FMN2: variants seen among roughly 807,000 people sequenced by gnomAD.
FMN2 encodes formin-2.
In FMN2, 51 loss-of-function variants were observed where a neutral mutation model predicts 142.3. The ratio of observed to expected loss-of-function variants is 0.36; its 90% CI spans 0.29 to 0.45. The LOEUF (loss-of-function observed/expected upper bound fraction) is 0.45, where lower values mean the gene tolerates loss of function less well. Among genes scored for constraint, FMN2 ranks in the 20% least tolerant of loss-of-function variants. The pLI, the probability that FMN2 is intolerant of heterozygous loss-of-function variation, is 1.00. For missense variants in FMN2, 1,936 were observed against 2,122.8 expected (o/e 0.91, Z 1.73); for synonymous variants, 882 against 869.8 (o/e 1.01, Z -0.25).
At chr1:240,446,834 ACT>A (rs1675832897) in intron 16 of FMN2, among the ~76,000 whole-genome samples, 1 of 152,090 alleles carries the variant, frequency 6.6e-6, no homozygotes, top group South Asian at 2.1e-4. Context: ...CTCCGGGCTA[ACT>A]CTCACACCTT....
At position 240,336,583 on chromosome 1, in the gene FMN2, G is replaced by T. The variant is rs1416054114; in HGVS notation, c.4765+2354G>T. 3.6e-4 allele frequency among the ~76,000 whole-genome samples: 16 copies of T among 44,176 alleles called. No homozygotes were observed. The East Asian group carries it at 0.02, about 57-fold the overall frequency. 29.0% of individuals were successfully genotyped at this position (44,176 alleles called of 152,430 possible). On this transcript the variant is annotated intron_variant, in intron 13 of 17. Coordinates refer to ENST00000319653, the MANE Select transcript of FMN2 (RefSeq NM_020066.5). Reference sequence around the variant, plus strand: ...AAAAAAAAAAAAAAAAAAAAAAAAAGGTGGTTGCAATTGTTTTCCCATTTA... The same window carrying T: ...AAAAAAAAAAAAAAAAAAAAAAAAATGTGGTTGCAATTGTTTTCCCATTTA...
chr1:240,250,170 A>G (rs763365192), intron 6 of FMN2, among the ~76,000 whole-genome samples: 51 of 152,000 alleles, frequency 3.4e-4, no homozygotes, highest in Non-Finnish European at 4.7e-4. Context: ...TCTTGTTCCA[A>G]TTATTAGAGG....
At chr1:240,432,725 T>C (rs1482269885) in intron 15 of FMN2, among the ~76,000 whole-genome samples, 1 of 152,084 alleles carries the variant, frequency 6.6e-6, no homozygotes, top group Non-Finnish European at 1.5e-5. Flanking sequence ...TCATTTCTTT[T>C]AGGATTTCTT....
At chr1:240,460,603 G>A (rs1316757395) in intron 16 of FMN2, among the ~76,000 whole-genome samples, 1 of 151,804 alleles carries the variant, frequency 6.6e-6, no homozygotes, top group Non-Finnish European at 1.5e-5. Flanking sequence ...TCGAACGATT[G>A]TAAGTGAATA....
At chr1:240,143,504 C>T (rs907652121) in intron 2 of FMN2, 1 of 1,574,542 alleles carries the variant, frequency 6.4e-7, no homozygotes, top group African/African-American at 1.3e-5. Context: ...CCTTTGTCTT[C>T]CTCCTTCTCT....
chr1:240,263,136 C>G (rs1304682794), intron 7 of FMN2, among the ~76,000 whole-genome samples: 3 of 152,170 alleles, frequency 2.0e-5, no homozygotes, highest in South Asian at 2.1e-4. Flanking sequence ...AGACTGAACC[C>G]TCCCCCACAC....
rs769207435 is a variant in FMN2, at chr1:240,208,465, C to T, written c.3653C>T (p.Pro1218Leu). 4 of 1,609,698 alleles carry T rather than the reference C, an allele frequency of 2.5e-6. No homozygotes were observed. Among genetic ancestry groups the T allele is most frequent in the South Asian group, 1.1e-5 (1 of 90,546 alleles). Residue 1218 changes from proline (P) to leucine (L), a missense_variant, in exon 5 of 18, where the codon CCA (proline) becomes CTA (leucine). Around this residue, in one of 8 missense-constraint regions of FMN2, gnomAD observed 259 missense variants for 230.9 expected, o/e 1.12. Transcript: ENST00000319653. ...PPPPLPGMGI[P>L]PAPAPPLPPP... ...CCTCCCTTGCCAGGTATGGGGATTC[C>T]ACCTGCTCCAGCTCCCCCACTCCCT...
chr1:240,262,759 CTT>C (rs764626617), intron 7 of FMN2, among the ~76,000 whole-genome samples: 2 of 117,762 alleles, frequency 1.7e-5, no homozygotes, highest in Non-Finnish European at 1.7e-5. Context: ...AAAACTTTTA[CTT>C]TTTTTTTTTT....
At chr1:240,437,935 A>G in intron 15 of FMN2, 126 bp from the exon 16 acceptor site, 1 of 1,201,102 alleles carries the variant, frequency 8.3e-7, no homozygotes, top group South Asian at 1.5e-5. Flanking sequence ...TGGTGCTTGA[A>G]GAGCTTGAGT....
chr1:240,226,668 G>T (rs538164434), intron 6 of FMN2, among the ~76,000 whole-genome samples: 75 of 152,220 alleles, frequency 4.9e-4, no homozygotes, highest in African/African-American at 1.7e-3. Context: ...GTTTGTGGCT[G>T]CAGTGAGCTA....
At chr1:240,270,176 T>C (rs907049973) in intron 7 of FMN2, among the ~76,000 whole-genome samples, 2 of 152,130 alleles carry the variant, frequency 1.3e-5, no homozygotes, top group Non-Finnish European at 2.9e-5. Context: ...TTATCATATA[T>C]GGCCTTTATC....
chr1:240,438,019 T>A, intron 15 of FMN2, 42 bp from the exon 16 acceptor site: 1 of 1,588,284 alleles, frequency 6.3e-7, no homozygotes, highest in East Asian at 2.2e-5. Context: ...TATTGGAAAG[T>A]AATCATGGCT....
intron 7 of FMN2, chr1:240,285,318 A>G (rs1399025853): frequency 2.2e-6 from 1 of 455,172 alleles, no homozygotes; most frequent in East Asian, 7.0e-5. Context: ...AACACCAAGC[A>G]GATGGAGGCT....
intron 14 of FMN2, among the ~76,000 whole-genome samples, chr1:240,381,315 A>T (rs1333560547): frequency 6.6e-6 from 1 of 152,236 alleles, no homozygotes; most frequent in African/African-American, 2.4e-5. Flanking sequence ...TCAAAAAGAT[A>T]ATATTATACA....
chr1:240,255,564 T>C (rs1668427729), intron 6 of FMN2, among the ~76,000 whole-genome samples: 1 of 152,152 alleles, frequency 6.6e-6, no homozygotes, highest in Non-Finnish European at 1.5e-5. Flanking sequence ...AGAGCAGCTG[T>C]AATTGGCAGG....
intron 15 of FMN2, among the ~76,000 whole-genome samples, chr1:240,417,083 GTTTGC>G (rs1165100044): frequency 6.8e-6 from 1 of 147,634 alleles, no homozygotes; most frequent in Non-Finnish European, 1.5e-5. Context: ...GGTTTTGTGT[GTTTGC>G]TTTGCTGGTA....
intron 7 of FMN2, among the ~76,000 whole-genome samples, chr1:240,277,836 G>T (rs574493254): frequency 3.2e-4 from 49 of 152,074 alleles, no homozygotes; most frequent in African/African-American, 1.2e-3. Context: ...CGCCTGGCCC[G>T]TACCTACATC....
chr1:240,399,294 GA>G (rs1673893198), intron 15 of FMN2, among the ~76,000 whole-genome samples: 1 of 152,070 alleles, frequency 6.6e-6, no homozygotes, highest in Non-Finnish European at 1.5e-5. Context: ...GAGCTTGGGA[GA>G]CTGACTTTTA....
intron 4 of FMN2, among the ~76,000 whole-genome samples, chr1:240,202,364 C>T (rs1166145719): frequency 6.6e-6 from 1 of 152,090 alleles, no homozygotes; most frequent in Non-Finnish European, 1.5e-5. Flanking sequence ...GTATTATGAC[C>T]TCTGTTACCA....
Sources: gnomAD v4.1 joint callset for allele counts (sites outside exome capture counted in the v4.1 genomes callset) on GRCh38, gnomAD v4.1.1 for gene constraint, gnomAD v4.1.1 regional missense constraint, MANE v1.5 for transcripts, NCBI Gene and HGNC (gene_info 2026-07-23, HGNC 2026-07-21) for gene names.